The following HSF5 variants were observed in gnomAD, a reference collection of about 807,000 sequenced individuals.
HSF5 encodes the protein heat shock factor protein 5.
A neutral mutation model predicts 50.8 loss-of-function variants in HSF5; 5 were observed. The observed-to-expected ratio is 0.10, with a 90% CI of 0.05 to 0.21. The LOEUF (loss-of-function observed/expected upper bound fraction) is 0.21. HSF5 is among the 10% of genes least tolerant of loss of function. The pLI, the probability that HSF5 is intolerant of heterozygous loss-of-function variation, is 1.00. For synonymous variants in HSF5, 307 were observed against 307.4 expected (o/e 1.00, Z 0.02); for missense variants, 564 against 762.6 (o/e 0.74, Z 3.07).
rs1974874630 is a variant in HSF5, at chr17:58,466,891, G to A, written c.1014C>T (p.Tyr338=). Residue 338 remains tyrosine (Y), a synonymous_variant, in exon 3 of 6, where the codon TAC becomes TAT. Coordinates refer to ENST00000323777, the MANE Select transcript of HSF5 (RefSeq NM_001080439.3). The part of the protein sequence containing the change: ...PTASSYAHCN[Y]FQNPSMQSSY... ...ACAGTTGCAAGAATCTTACCTGGAA[G>A]TAGTTGCAGTGTGCATAGGAAGAGG... is the stretch of plus-strand genomic sequence containing the variant. The A allele has an allele frequency of 2.5e-6, 4 of 1,586,782 alleles. No homozygotes were observed. The South Asian group carries it at 4.4e-5, about 18-fold the overall frequency.
intron 2 of HSF5, among the ~76,000 whole-genome samples, chr17:58,479,654 G>A (rs986774100): frequency 6.6e-6 from 1 of 152,060 alleles, no homozygotes; most frequent in Non-Finnish European, 1.5e-5. Flanking sequence ...GAATATACAA[G>A]TTTCACTAAC....
chr17:58,428,965 T>C (rs1371274196), intron 5 of HSF5, among the ~76,000 whole-genome samples: 3 of 152,258 alleles, frequency 2.0e-5, no homozygotes, highest in African/African-American at 7.2e-5. Flanking sequence ...CTATTCACAA[T>C]AGGCAAAACA....
At chr17:58,450,909 T>C (rs751274342) in intron 5 of HSF5, among the ~76,000 whole-genome samples, 12 of 151,304 alleles carry the variant, frequency 7.9e-5, no homozygotes, top group Non-Finnish European at 1.6e-4. Context: ...GCCAACATGG[T>C]GAAATCCTGT....
At chr17:58,475,556 C>T (rs543866500) in intron 2 of HSF5, among the ~76,000 whole-genome samples, 91 of 152,262 alleles carry the variant, frequency 6.0e-4, no homozygotes, top group African/African-American at 2.0e-3. Flanking sequence ...TCAAATATCA[C>T]AATTAAACAT....
chr17:58,452,410 A>G (rs774108409), intron 5 of HSF5, among the ~76,000 whole-genome samples: 1 of 152,248 alleles, frequency 6.6e-6, no homozygotes, highest in Non-Finnish European at 1.5e-5. Context: ...ACCTAGAAGA[A>G]ATGGATAAAT....
chr17:58,432,509 G>A (rs1974378125), intron 5 of HSF5, among the ~76,000 whole-genome samples: 2 of 152,146 alleles, frequency 1.3e-5, no homozygotes, highest in African/African-American at 2.4e-5. Context: ...AGAGACAATA[G>A]CAAGTGTAAA....
chr17:58,451,701 G>A (rs1256411686), intron 5 of HSF5, among the ~76,000 whole-genome samples: 1 of 152,050 alleles, frequency 6.6e-6, no homozygotes, highest in Non-Finnish European at 1.5e-5. Context: ...TCCTACGAGG[G>A]AAGTTTATGG....
intron 5 of HSF5, among the ~76,000 whole-genome samples, chr17:58,423,673 G>C (rs1974254766): frequency 6.6e-6 from 1 of 151,956 alleles, no homozygotes; most frequent in Non-Finnish European, 1.5e-5. Flanking sequence ...TAGAGATGGG[G>C]TTTCACTATG....
Position 58,422,461 on chromosome 17 carries a change from A to T in HSF5, c.1721-31T>A, listed in dbSNP as rs776594788. 1.4e-5 allele frequency: 23 copies of T among 1,588,006 alleles called. No individual in the cohort carries two copies. The African/African-American group carries it at 2.4e-4, about 17-fold the overall frequency. On this transcript the variant is annotated intron_variant, in intron 5 of 5. Transcript: ENST00000323777. ...AAGAAAGGATAGTTTACTCCCTCTT[A>T]GCCTCTCTGTAGAGTTCTATAGACA...
At position 58,424,328 on chromosome 17, in the gene HSF5, C is replaced by T. The variant is rs190355277; in HGVS notation, c.1721-1898G>A. On this transcript the variant is annotated intron_variant, in intron 5 of 5. Coordinates refer to ENST00000323777, the MANE Select transcript of HSF5 (RefSeq NM_001080439.3). ...TATTTAGCCTTAAAAAGGAATAAAG[C>T]GGGACCAGGAGTGGTGACTCATGCC... is the stretch of plus-strand genomic sequence containing the variant. Among the ~76,000 whole-genome samples, 490 of 152,128 alleles carry T rather than the reference C, an allele frequency of 3.2e-3. 1 individual carries two copies. Among genetic ancestry groups the T allele is most frequent in the Non-Finnish European group, 4.5e-3 (309 of 67,982 alleles).
chr17:58,439,651 AT>A (rs914382972), intron 5 of HSF5, among the ~76,000 whole-genome samples: 2 of 152,056 alleles, frequency 1.3e-5, no homozygotes, highest in Non-Finnish European at 2.9e-5. Context: ...TGCCCAGCTA[AT>A]TCTGTATTTT....
chr17:58,452,317 A>G (rs1046667153), intron 5 of HSF5, among the ~76,000 whole-genome samples: 1 of 152,188 alleles, frequency 6.6e-6, no homozygotes, highest in Non-Finnish European at 1.5e-5. Context: ...TCAGAGTTGA[A>G]AAAGGAGTCA....
intron 5 of HSF5, among the ~76,000 whole-genome samples, chr17:58,436,671 C>A (rs181859450): frequency 6.6e-5 from 10 of 152,140 alleles, no homozygotes; most frequent in African/African-American, 2.4e-4. Context: ...GAGTTCCTCT[C>A]AGGGAGGTAA....
chr17:58,475,322 A>C (rs532418530), intron 2 of HSF5, among the ~76,000 whole-genome samples: 1 of 152,364 alleles, frequency 6.6e-6, no homozygotes, highest in South Asian at 2.1e-4. Context: ...TTATCGTAAC[A>C]AAGCAGCTTG....
At chr17:58,457,850 C>T (rs1354429279) in intron 5 of HSF5, among the ~76,000 whole-genome samples, 1 of 152,156 alleles carries the variant, frequency 6.6e-6, no homozygotes, top group Non-Finnish European at 1.5e-5. Context: ...AAAATATAAT[C>T]AACTAAAAGT....
At chr17:58,430,080 T>C (rs1974343303) in intron 5 of HSF5, among the ~76,000 whole-genome samples, 1 of 152,094 alleles carries the variant, frequency 6.6e-6, no homozygotes. Flanking sequence ...TGTTTTGTTT[T>C]GTTTTTTCAG....
At chr17:58,469,765 G>C (rs1173297189) in intron 2 of HSF5, among the ~76,000 whole-genome samples, 1 of 152,156 alleles carries the variant, frequency 6.6e-6, no homozygotes, top group African/African-American at 2.4e-5. Context: ...TGAAGGCAGT[G>C]TTCAGTTGAG....
intron 2 of HSF5, among the ~76,000 whole-genome samples, chr17:58,471,938 C>G (rs1160420617): frequency 6.6e-6 from 1 of 151,994 alleles, no homozygotes; most frequent in African/African-American, 2.4e-5. Context: ...ACTGCAGCCT[C>G]GGCCTCCCGG....
At chr17:58,487,033 A>G (rs915629897) in intron 1 of HSF5, among the ~76,000 whole-genome samples, 4 of 150,104 alleles carry the variant, frequency 2.7e-5, no homozygotes, top group African/African-American at 9.8e-5. Flanking sequence ...TCAGTCTCCT[A>G]AGTAGCTGGG....
Sources: gnomAD v4.1 joint callset for allele counts (sites outside exome capture counted in the v4.1 genomes callset) on GRCh38, gnomAD v4.1.1 for gene constraint, MANE v1.5 for transcripts, NCBI Gene and HGNC (gene_info 2026-07-23, HGNC 2026-07-21) for gene names.